The following ACAT1 variants were observed in gnomAD, a reference collection of about 807,000 sequenced individuals.
ACAT1 encodes the protein acetyl-CoA acetyltransferase, mitochondrial.
In ACAT1, 28 loss-of-function variants were observed where a neutral mutation model predicts 47.3. The ratio of observed to expected loss-of-function variants is 0.59; its 90% confidence interval spans 0.44 to 0.81. ACAT1 has a LOEUF of 0.81. Among genes scored for constraint, ACAT1 ranks in the 30% least tolerant of loss-of-function variants. The pLI, the probability that ACAT1 is intolerant of heterozygous loss-of-function variation, is 0.00. For missense variants in ACAT1, 469 were observed against 524.3 expected (o/e 0.89, Z 1.03); for synonymous variants, 181 against 173.6 (o/e 1.04, Z -0.34).
chr11:108,141,085 G>A (rs978489004), intron 7 of ACAT1, among the ~76,000 whole-genome samples: 4 of 152,002 alleles, frequency 2.6e-5, no homozygotes, highest in Non-Finnish European at 2.9e-5. Context: ...AAAATTAGCT[G>A]GGTATAGCAG....
upstream of ACAT1, among the ~76,000 whole-genome samples, chr11:108,119,986 G>C (rs1180088101): frequency 2.0e-5 from 3 of 152,160 alleles, no homozygotes; most frequent in East Asian, 1.9e-4. Context: ...GAGGCCTAGT[G>C]GGGGCGGATT....
chr11:108,134,796 T>C (rs1370032607), intron 4 of ACAT1, among the ~76,000 whole-genome samples: 1 of 149,282 alleles, frequency 6.7e-6, no homozygotes, highest in Non-Finnish European at 1.5e-5. Context: ...ATACAAAAAA[T>C]TAGTTGGGCG....
chr11:108,123,750 G>T (rs951622543), intron 1 of ACAT1, among the ~76,000 whole-genome samples: 1 of 152,048 alleles, frequency 6.6e-6, no homozygotes, highest in Non-Finnish European at 1.5e-5. Flanking sequence ...CTGTTGGCCA[G>T]GCTGGTCTTG....
In ACAT1 at chr11:108,146,263, TTAGTC is replaced by T. The variant is rs1440530637; in HGVS notation, c.1069_1073del (p.Ser357GlyfsTer7). 1 of 1,613,770 alleles carries T rather than the reference TTAGTC, an allele frequency of 6.2e-7. No homozygotes were observed. Among genetic ancestry groups the T allele is most frequent in the Non-Finnish European group, 8.5e-7 (1 of 1,179,742 alleles). ...GCAATGTGGGAAGTAAATGAAGCCT[TTAGTC>T]TGGTTGTACTAGCAAACATTAAAAT... On this transcript the variant is annotated frameshift_variant, in exon 11 of 12. Coordinates refer to ENST00000265838, the MANE Select transcript of ACAT1 (RefSeq NM_000019.4). LOFTEE classifies it high-confidence loss of function.
intron 1 of ACAT1, among the ~76,000 whole-genome samples, chr11:108,125,843 G>A (rs1048313849): frequency 1.3e-4 from 19 of 151,616 alleles, no homozygotes; most frequent in Non-Finnish European, 2.2e-4. Context: ...GGAGAATGGC[G>A]TGAACCTGGG....
upstream of ACAT1, among the ~76,000 whole-genome samples, chr11:108,120,714 C>T (rs2077132486): frequency 6.6e-6 from 1 of 152,100 alleles, no homozygotes; most frequent in South Asian, 2.1e-4. Context: ...TCACCTGAGG[C>T]CTTTTTACCC....
rs200490832 is a variant in ACAT1 at position 108,140,041 on chromosome 11, T to C, written c.580-24T>C. 6 of 1,605,746 alleles carry C rather than the reference T, an allele frequency of 3.7e-6. No individual in the cohort carries two copies. The African/African-American group carries it at 5.4e-5, about 14-fold the overall frequency. ...TTTCTAAATTATGCAAAGTTAACTTTAAAATATTTCAACTTTTTATCAGGG... is the reference window on the plus strand; with the variant it reads ...TTTCTAAATTATGCAAAGTTAACTTCAAAATATTTCAACTTTTTATCAGGG... On this transcript the variant is annotated intron_variant, in intron 6 of 11. Transcript: ENST00000265838.
At chr11:108,128,498 G>A (rs1000107805) in intron 1 of ACAT1, 2 of 152,526 alleles carry the variant, frequency 1.3e-5, no homozygotes, top group African/African-American at 4.8e-5. Flanking sequence ...GGCTGAGGCA[G>A]GAGAATTGCT....
At chr11:108,136,496 G>A (rs1442986605) in intron 5 of ACAT1, 1 of 170,254 alleles carries the variant, frequency 5.9e-6, no homozygotes. Flanking sequence ...ACCAGATTTA[G>A]TTTCAGAACT....
At chr11:108,143,155 A>C (rs2134776201) in intron 9 of ACAT1, 1 of 153,300 alleles carries the variant, frequency 6.5e-6, no homozygotes, top group African/African-American at 2.4e-5. Flanking sequence ...GAAAGAAAAA[A>C]ATTAGCCAGG....
At chr11:108,121,755 C>A in intron 1 of ACAT1, 77 bp downstream of exon 1, 2 of 1,494,900 alleles carry the variant, frequency 1.3e-6, no homozygotes, top group Non-Finnish European at 9.1e-7. Flanking sequence ...CAGCCCGCGG[C>A]CGTTGCGGCT....
intron 1 of ACAT1, among the ~76,000 whole-genome samples, chr11:108,125,643 A>G (rs2077233063): frequency 6.6e-6 from 1 of 152,156 alleles, no homozygotes; most frequent in Non-Finnish European, 1.5e-5. Flanking sequence ...GACATGAAGA[A>G]TAGGCTGGGT....
At chr11:108,133,979 AT>A in intron 3 of ACAT1, 42 bp downstream of exon 3, 1 of 1,525,558 alleles carries the variant, frequency 6.6e-7, no homozygotes. Context: ...GAGCAAAAAG[AT>A]TCCATGGAAA....
In ACAT1 at chr11:108,147,321, A is replaced by G. The variant is rs1316940291; in HGVS notation, c.1215A>G (p.Gly405=). Residue 405 remains glycine (G), a synonymous_variant, in exon 12 of 12, where the codon GGA becomes GGG. Transcript: ENST00000265838. The stretch of plus-strand genomic sequence containing the variant: ...ATTTGACTCATGCCTTGAAGCAAGG[A>G]GAATACGGTCTTGCCAGTATTTGCA... ...VGHLTHALKQ[G]EYGLASICNG... The G allele has an allele frequency of 1.2e-6, 2 of 1,613,896 alleles. No homozygotes were observed. The highest frequency in any genetic ancestry group is 1.7e-6 in the Non-Finnish European group (2 of 1,179,950).
At chr11:108,125,795 G>A (rs940822717) in intron 1 of ACAT1, among the ~76,000 whole-genome samples, 14 of 151,840 alleles carry the variant, frequency 9.2e-5, no homozygotes, top group Admixed American at 6.6e-4. Context: ...GCGTGGTGGC[G>A]GGCGCTTGTA....
At chr11:108,132,686 C>T (rs1236659675) in intron 2 of ACAT1, among the ~76,000 whole-genome samples, 3 of 151,320 alleles carry the variant, frequency 2.0e-5, no homozygotes, top group Non-Finnish European at 4.4e-5. Context: ...AACCCCATCT[C>T]CACTAAAAAT....
chr11:108,144,197 A>T, intron 10 of ACAT1, 150 bp downstream of exon 10: 1 of 840,744 alleles, frequency 1.2e-6, no homozygotes, highest in Non-Finnish European at 1.9e-6. Context: ...TGAAAAGAGT[A>T]AGAGCAACAA....
At chr11:108,141,500 C>G in intron 7 of ACAT1, 105 bp from the exon 8 acceptor site, 1 of 765,882 alleles carries the variant, frequency 1.3e-6, no homozygotes, top group Non-Finnish European at 2.2e-6. Context: ...TTAAGTGAAG[C>G]AGGGATACAA....
chr11:108,133,397 G>T (rs2077400103), intron 2 of ACAT1, among the ~76,000 whole-genome samples: 1 of 152,034 alleles, frequency 6.6e-6, no homozygotes, highest in Non-Finnish European at 1.5e-5. Context: ...GAGGCAGAAG[G>T]ATTGCTTGAG....
Sources: allele counts gnomAD v4.1 joint callset (sites outside exome capture counted in the v4.1 genomes callset), GRCh38; gene constraint gnomAD v4.1.1; transcripts MANE v1.5; gene names NCBI Gene and HGNC (gene_info 2026-07-23, HGNC 2026-07-21).